TMEM132B: variants seen among roughly 807,000 people sequenced by gnomAD.
The protein encoded by TMEM132B is transmembrane protein 132B.
Under a neutral mutation model 90.8 loss-of-function variants are expected in TMEM132B, and 18 were observed. That is an observed-to-expected ratio of 0.20 (90% confidence interval 0.14 to 0.29). The LOEUF is 0.29. Ranked by LOEUF, TMEM132B falls within the 10% of genes least tolerant of loss-of-function variation. TMEM132B has a pLI of 1.00. For missense variants in TMEM132B, 1,096 were observed against 1,326.8 expected (o/e 0.83, Z 2.70); for synonymous variants, 504 against 523.3 (o/e 0.96, Z 0.50).
chr12:125,394,104 A>G (rs940656510), intron 2 of TMEM132B, among the ~76,000 whole-genome samples: 1 of 152,230 alleles, frequency 6.6e-6, no homozygotes, highest in African/African-American at 2.4e-5. Context: ...GCCTGGAGCC[A>G]CAAGCCTAAA....
chr12:125,208,953 G>C (rs1213939093), intron 1 of TMEM132B, among the ~76,000 whole-genome samples: 1 of 152,170 alleles, frequency 6.6e-6, no homozygotes, highest in Non-Finnish European at 1.5e-5. Context: ...GCCTCGGGCA[G>C]GGGCTCTGTA....
chr12:125,449,039 T>C (rs1170952038), intron 3 of TMEM132B, among the ~76,000 whole-genome samples: 1 of 149,628 alleles, frequency 6.7e-6, no homozygotes, highest in Non-Finnish European at 1.5e-5. Context: ...CAGTCTCGGC[T>C]CACTGCAAGC....
intron 1 of TMEM132B, among the ~76,000 whole-genome samples, chr12:125,201,038 A>G (rs1565973950): frequency 6.6e-6 from 1 of 152,200 alleles, no homozygotes; most frequent in South Asian, 2.1e-4. Context: ...CTGTCTAAAA[A>G]GCACTATGAA....
At chr12:125,563,424 C>T (rs11613646) in intron 4 of TMEM132B, among the ~76,000 whole-genome samples, 2,272 of 152,020 alleles carry the variant, frequency 0.015, 24 homozygotes, top group Non-Finnish European at 0.022. Context: ...CTGGCCAACA[C>T]GGTGAAACCC....
At chr12:125,479,391 G>GATCTT (rs1310531342) in intron 3 of TMEM132B, among the ~76,000 whole-genome samples, 7 of 152,228 alleles carry the variant, frequency 4.6e-5, no homozygotes, top group African/African-American at 1.7e-4. Flanking sequence ...GACACACATA[G>GATCTT]GCTCAAAATA....
intron 1 of TMEM132B, among the ~76,000 whole-genome samples, chr12:125,306,358 G>A (rs1018284751): frequency 3.3e-5 from 5 of 152,190 alleles, no homozygotes; most frequent in African/African-American, 1.2e-4. Flanking sequence ...CTCCAGCCAG[G>A]ACTTCTCCCC....
At chr12:125,301,195 G>T (rs998664455) in intron 1 of TMEM132B, 2 of 152,136 alleles carry the variant, frequency 1.3e-5, no homozygotes, top group Non-Finnish European at 2.9e-5. Flanking sequence ...GCTTTCTGTG[G>T]ATTATCTCAG....
At chr12:125,638,586 C>T (rs1018780204) in intron 5 of TMEM132B, among the ~76,000 whole-genome samples, 2 of 151,962 alleles carry the variant, frequency 1.3e-5, no homozygotes, top group African/African-American at 2.4e-5. Context: ...GAGAAACATA[C>T]TACCTGATTC....
intron 1 of TMEM132B, among the ~76,000 whole-genome samples, chr12:125,325,414 T>C (rs1566002148): frequency 6.6e-6 from 1 of 152,206 alleles, no homozygotes; most frequent in Non-Finnish European, 1.5e-5. Flanking sequence ...TTGTTTTGGA[T>C]CTAACTGTTT....
At position 125,654,512 on chromosome 12, in the gene TMEM132B, T is replaced by C. The variant is rs188609521; in HGVS notation, c.3054T>C (p.Pro1018=). The C allele has an allele frequency of 1.4e-3, 2,205 of 1,613,994 alleles. 6 individuals carry two copies. Among genetic ancestry groups the C allele is most frequent in the Middle Eastern group, 2.0e-3 (12 of 5,974 alleles). ...ATGAGAAAGAAATTAAAAATGAACC[T>C]ATGAATTCTTCGGGCCCAAAGAGGA... ...YVYEKEIKNE[P]MNSSGPKRKR... The change falls in exon 9 of 9, where the codon CCT becomes CCC. Residue 1018 remains proline, a synonymous_variant. Coordinates refer to ENST00000682704, the MANE Select transcript of TMEM132B (RefSeq NM_001366854.1). The surrounding 1 kb of genome is among the most constrained non-coding windows in gnomAD (Gnocchi z 5.8).
chr12:125,318,502 C>T (rs560473872), intron 1 of TMEM132B, among the ~76,000 whole-genome samples: 193 of 152,208 alleles, frequency 1.3e-3, no homozygotes, highest in African/African-American at 4.4e-3. Context: ...CTATTTTTCC[C>T]GATGCTCTCC....
chr12:125,466,668 G>T (rs1304007316), intron 3 of TMEM132B, among the ~76,000 whole-genome samples: 1 of 152,216 alleles, frequency 6.6e-6, no homozygotes, highest in African/African-American at 2.4e-5. Flanking sequence ...AGAAAATGCT[G>T]GAATATCAAA....
intron 3 of TMEM132B, among the ~76,000 whole-genome samples, chr12:125,447,844 C>T (rs1052239741): frequency 1.3e-5 from 2 of 152,184 alleles, no homozygotes; most frequent in Admixed American, 1.3e-4. Flanking sequence ...CTTACATTGT[C>T]TCTGTTGAGA....
At chr12:125,602,216 A>G (rs1473908560) in intron 5 of TMEM132B, among the ~76,000 whole-genome samples, 1 of 152,216 alleles carries the variant, frequency 6.6e-6, no homozygotes, top group Non-Finnish European at 1.5e-5. Flanking sequence ...AATCCTCAAT[A>G]AAATACTGGC....
At chr12:125,232,200 C>T (rs1356672124) in intron 1 of TMEM132B, among the ~76,000 whole-genome samples, 2 of 151,964 alleles carry the variant, frequency 1.3e-5, no homozygotes, top group African/African-American at 2.4e-5. Flanking sequence ...TAGTTTTTTT[C>T]CTCATTATAA....
chr12:125,394,725 G>A (rs915978724), intron 2 of TMEM132B, among the ~76,000 whole-genome samples: 2 of 152,158 alleles, frequency 1.3e-5, no homozygotes, highest in Non-Finnish European at 2.9e-5. Flanking sequence ...GTTCTGTGCT[G>A]TAAAAATAAG....
At position 125,292,525 on chromosome 12, in the gene TMEM132B, AAACTC is replaced by A. The variant is rs1258480838; in HGVS notation, c.68-56919_68-56915del. Among the ~76,000 whole-genome samples the A allele has an allele frequency of 2.0e-5, 3 of 152,252 alleles. No individual in the cohort carries two copies. In the East Asian group the frequency reaches 5.8e-4, roughly 29 times the overall value. ...CAAATCTTCTGTTTGCGAGTGACAG[AAACTC>A]AACTCAAAACTGGCTTGCACAAAGA... On this transcript the variant is annotated intron_variant, in intron 1 of 8. Coordinates refer to ENST00000682704, the MANE Select transcript of TMEM132B (RefSeq NM_001366854.1).
At chr12:125,423,650 A>G (rs447671) in intron 3 of TMEM132B, among the ~76,000 whole-genome samples, 147,218 of 152,296 alleles carry the variant, frequency 0.97, 71,359 homozygotes, top group East Asian at 1. Context: ...GTAATAGATG[A>G]TTCAATTGTA....
chr12:125,390,321 A>G (rs1878973152), intron 2 of TMEM132B, among the ~76,000 whole-genome samples: 1 of 152,268 alleles, frequency 6.6e-6, no homozygotes, highest in African/African-American at 2.4e-5. Flanking sequence ...TGCAATAGCT[A>G]GGTTAATATT....
Sources: gnomAD v4.1 joint callset for allele counts (sites outside exome capture counted in the v4.1 genomes callset) on GRCh38, gnomAD v4.1.1 for gene constraint, Gnocchi (gnomAD v3.1) non-coding constraint, MANE v1.5 for transcripts, NCBI Gene and HGNC (gene_info 2026-07-23, HGNC 2026-07-21) for gene names.